SNTG1: variants seen among roughly 807,000 people sequenced by gnomAD.
SNTG1 encodes the protein gamma-1-syntrophin.
SNTG1 carries 39 observed loss-of-function variants against 74.7 expected under a neutral mutation model. That is an observed-to-expected ratio of 0.52 (90% CI 0.40 to 0.68). SNTG1 has a LOEUF of 0.68. Among genes scored for constraint, SNTG1 ranks in the 30% least tolerant of loss-of-function variants. The pLI, the probability that SNTG1 is intolerant of heterozygous loss-of-function variation, is 0.00. For missense variants in SNTG1, 685 were observed against 609.5 expected (o/e 1.12, Z -1.30); for synonymous variants, 254 against 217.1 (o/e 1.17, Z -1.49).
At chr8:50,571,619 T>C (rs754387413) in intron 12 of SNTG1, among the ~76,000 whole-genome samples, 2 of 152,184 alleles carry the variant, frequency 1.3e-5, no homozygotes, top group African/African-American at 2.4e-5. Context: ...CCTAAGTTCC[T>C]TAGGCTCAAA....
intron 1 of SNTG1, among the ~76,000 whole-genome samples, chr8:50,069,687 C>G (rs1470015608): frequency 7.7e-6 from 1 of 130,392 alleles, no homozygotes; most frequent in Non-Finnish European, 1.6e-5. Flanking sequence ...TTAAAACCCC[C>G]ACTGTGTTCT....
chr8:50,538,344 C>A (rs917007882), intron 11 of SNTG1, among the ~76,000 whole-genome samples: 21 of 152,094 alleles, frequency 1.4e-4, no homozygotes, highest in African/African-American at 4.6e-4. Context: ...CAAAGTATAC[C>A]CATCAATGAT....
At chr8:50,611,014 T>A (rs2094845962) in intron 13 of SNTG1, among the ~76,000 whole-genome samples, 1 of 151,998 alleles carries the variant, frequency 6.6e-6, no homozygotes, top group African/African-American at 2.4e-5. Flanking sequence ...GATATTAAAA[T>A]TAAGGAACTG....
intron 2 of SNTG1, among the ~76,000 whole-genome samples, chr8:50,195,214 G>A (rs1016966632): frequency 2.0e-5 from 3 of 151,956 alleles, no homozygotes; most frequent in Admixed American, 6.6e-5. Flanking sequence ...GGTCATCAGG[G>A]AAGTGGGGGA....
chr8:50,253,117 G>A (rs546294531), intron 2 of SNTG1, among the ~76,000 whole-genome samples: 21 of 152,188 alleles, frequency 1.4e-4, no homozygotes, highest in African/African-American at 4.8e-4. Context: ...AAAGCAGCAC[G>A]GAGATTACTT....
At chr8:49,927,131 C>T (rs1237686452) in intron 1 of SNTG1, among the ~76,000 whole-genome samples, 1 of 152,128 alleles carries the variant, frequency 6.6e-6, no homozygotes, top group Non-Finnish European at 1.5e-5. Flanking sequence ...TGTGGGGAAA[C>T]AGAAACTTAT....
intron 4 of SNTG1, among the ~76,000 whole-genome samples, chr8:50,431,799 A>T (rs1330408008): frequency 6.6e-6 from 1 of 152,190 alleles, no homozygotes; most frequent in Non-Finnish European, 1.5e-5. Context: ...ACATGTCTTC[A>T]TAGGCTTGCT....
At chr8:50,280,765 C>A (rs949289570) in intron 2 of SNTG1, among the ~76,000 whole-genome samples, 4 of 151,950 alleles carry the variant, frequency 2.6e-5, no homozygotes, top group Admixed American at 6.6e-5. Context: ...TAGATGAAGT[C>A]TCATAGGTGG....
chr8:50,308,969 A>AG, intron 2 of SNTG1, among the ~76,000 whole-genome samples: 2 of 152,106 alleles, frequency 1.3e-5, no homozygotes, highest in African/African-American at 4.8e-5. Context: ...AATAGTTTTG[A>AG]TCTACACATC....
intron 1 of SNTG1, among the ~76,000 whole-genome samples, chr8:49,930,591 CA>C (rs890930339): frequency 6.6e-6 from 1 of 151,808 alleles, no homozygotes; most frequent in African/African-American, 2.4e-5. Flanking sequence ...CAGAAACCAT[CA>C]TTCTTTATTT....
chr8:50,434,989 A>G (rs186550922), intron 4 of SNTG1, among the ~76,000 whole-genome samples: 2 of 152,154 alleles, frequency 1.3e-5, no homozygotes, highest in Non-Finnish European at 2.9e-5. Flanking sequence ...TGTGATGCCA[A>G]CTTTTTTTTG....
intron 1 of SNTG1, among the ~76,000 whole-genome samples, chr8:49,964,974 G>A (rs999729199): frequency 1.3e-5 from 2 of 152,174 alleles, no homozygotes; most frequent in African/African-American, 4.8e-5. Context: ...TTATACAGTA[G>A]TTATTAAGGC....
intron 1 of SNTG1, among the ~76,000 whole-genome samples, chr8:49,922,581 A>C (rs1806649613): frequency 6.6e-6 from 1 of 152,032 alleles, no homozygotes; most frequent in Non-Finnish European, 1.5e-5. Flanking sequence ...TGGAGAAGGG[A>C]GGAGGGACAA....
chr8:49,915,306 G>A (rs1563341627), intron 1 of SNTG1, among the ~76,000 whole-genome samples: 1 of 152,060 alleles, frequency 6.6e-6, no homozygotes, highest in Non-Finnish European at 1.5e-5. Flanking sequence ...TTGGAAACAA[G>A]TGTTATATCT....
intron 1 of SNTG1, among the ~76,000 whole-genome samples, chr8:50,044,643 G>A (rs1310048689): frequency 1.3e-5 from 2 of 152,152 alleles, no homozygotes; most frequent in Non-Finnish European, 2.9e-5. Flanking sequence ...AACTCTGCAA[G>A]AGAACTATAG....
At chr8:50,567,701 T>A (rs1432108505) in intron 12 of SNTG1, among the ~76,000 whole-genome samples, 1 of 152,154 alleles carries the variant, frequency 6.6e-6, no homozygotes, top group East Asian at 1.9e-4. Context: ...ATTTTTTAAA[T>A]TAATGTTTTA....
chr8:50,711,645 A>G (rs953721938), intron 17 of SNTG1, among the ~76,000 whole-genome samples: 9 of 152,142 alleles, frequency 5.9e-5, no homozygotes, highest in African/African-American at 2.2e-4. Flanking sequence ...ATGTCGAGCT[A>G]ATTCTCATTA....
chr8:50,252,230 T>C (rs1182535323), intron 2 of SNTG1, among the ~76,000 whole-genome samples: 2 of 152,068 alleles, frequency 1.3e-5, no homozygotes, highest in South Asian at 4.1e-4. Context: ...GAAAAGTTTA[T>C]AGCAATAAAC....
chr8:50,594,492 AT>A (rs1419984688), intron 13 of SNTG1, among the ~76,000 whole-genome samples: 1 of 152,082 alleles, frequency 6.6e-6, no homozygotes, highest in African/African-American at 2.4e-5. Flanking sequence ...GGTTATACTT[AT>A]TTAAAATAAC....
Sources: allele counts gnomAD v4.1 joint callset (sites outside exome capture counted in the v4.1 genomes callset), GRCh38; gene constraint gnomAD v4.1.1; transcripts MANE v1.5; gene names NCBI Gene and HGNC (gene_info 2026-07-23, HGNC 2026-07-21).